MEIS2: variants seen among roughly 807,000 people sequenced by gnomAD.
MEIS2 encodes homeobox protein Meis2.
A neutral mutation model predicts 58.6 loss-of-function variants in MEIS2; 9 were observed. The ratio of observed to expected loss-of-function variants is 0.15; its 90% CI spans 0.09 to 0.27. The LOEUF (loss-of-function observed/expected upper bound fraction) is 0.27. Ranked by LOEUF, MEIS2 falls within the 10% of genes least tolerant of loss-of-function variation. The pLI, the probability that MEIS2 is intolerant of heterozygous loss-of-function variation, is 1.00. For missense variants in MEIS2, 427 were observed against 635.0 expected, an observed-to-expected ratio of 0.67 and a Z score of 3.52; for synonymous variants, 221 against 228.4, an observed-to-expected ratio of 0.97 and a Z score of 0.29.
At chr15:37,002,589 G>C (rs946299448) in intron 8 of MEIS2, among the ~76,000 whole-genome samples, 2 of 151,868 alleles carry the variant, frequency 1.3e-5, no homozygotes, top group African/African-American at 4.8e-5. Flanking sequence ...ATGAATATAC[G>C]GTCAGGCAAC....
At chr15:37,058,182 T>G (rs1888702015) in intron 7 of MEIS2, among the ~76,000 whole-genome samples, 1 of 152,090 alleles carries the variant, frequency 6.6e-6, no homozygotes, top group Admixed American at 6.6e-5. Flanking sequence ...CAAAGGATCG[T>G]GCATGGGCTT....
At chr15:36,946,829 C>T (rs1389347291) in intron 9 of MEIS2, among the ~76,000 whole-genome samples, 1 of 151,882 alleles carries the variant, frequency 6.6e-6, no homozygotes, top group Non-Finnish European at 1.5e-5. Flanking sequence ...AATGGTGGAA[C>T]CAGGATTTTA....
At chr15:37,050,967 T>G (rs866324728) in intron 7 of MEIS2, 9 of 152,192 alleles carry the variant, frequency 5.9e-5, no homozygotes, top group African/African-American at 1.9e-4. Context: ...ATGACCTCAG[T>G]CAAAAGATTA....
intron 4 of MEIS2, 100 bp downstream of exon 4, chr15:37,095,463 AG>A: frequency 1.3e-6 from 2 of 1,559,592 alleles, no homozygotes; most frequent in East Asian, 2.3e-5. Context: ...GCTCCAAAAG[AG>A]GGTTCTGTTC....
chr15:37,017,156 A>C lies in MEIS2; in HGVS notation c.900+19658T>G, dbSNP rs530456258. ...CCTGTTTCTGATGACGCAAACCGAT[A>C]GAAAATAATAAAATTGTTTGAACAT... On this transcript the variant is annotated intron_variant, in intron 8 of 11. Coordinates refer to ENST00000561208, the MANE Select transcript of MEIS2 (RefSeq NM_170675.5). 2.6e-5 allele frequency among the ~76,000 whole-genome samples: 4 copies of C among 152,334 alleles called. No homozygotes were observed. The South Asian group carries it at 8.3e-4, about 32-fold the overall frequency.
At chr15:36,961,035 GA>G (rs1331282019) in intron 8 of MEIS2, among the ~76,000 whole-genome samples, 5 of 151,724 alleles carry the variant, frequency 3.3e-5, no homozygotes, top group African/African-American at 1.2e-4. Context: ...CTTTTTTTTA[GA>G]ACAGCCTCTG....
At chr15:36,937,971 G>A (rs2058236899) in intron 9 of MEIS2, among the ~76,000 whole-genome samples, 1 of 152,114 alleles carries the variant, frequency 6.6e-6, no homozygotes, top group African/African-American at 2.4e-5. Flanking sequence ...GAAGAATTTT[G>A]TGCTTTAAAT....
intron 8 of MEIS2, among the ~76,000 whole-genome samples, chr15:36,992,700 G>A (rs1399944108): frequency 6.6e-6 from 1 of 151,970 alleles, no homozygotes; most frequent in Non-Finnish European, 1.5e-5. Context: ...TTCTACCAGA[G>A]AGTGTAGTAG....
intron 8 of MEIS2, among the ~76,000 whole-genome samples, chr15:36,963,697 T>TGTA (rs2059265826): frequency 6.6e-6 from 1 of 152,254 alleles, no homozygotes; most frequent in African/African-American, 2.4e-5. Flanking sequence ...TTGTGGTATT[T>TGTA]GTACAATTCT....
intron 8 of MEIS2, among the ~76,000 whole-genome samples, chr15:37,033,031 C>A (rs1232869786): frequency 6.6e-6 from 1 of 152,146 alleles, no homozygotes; most frequent in African/African-American, 2.4e-5. Context: ...TTAACTGTTA[C>A]AGTTGGAGTG....
At chr15:37,099,189 C>G in intron 1 of MEIS2, 1 of 1,405,948 alleles carries the variant, frequency 7.1e-7, no homozygotes. Context: ...ACACACACCA[C>G]TCACACGCAC....
At chr15:36,935,186 CTTTTTTT>C (rs71126245) in intron 9 of MEIS2, among the ~76,000 whole-genome samples, 8 of 136,644 alleles carry the variant, frequency 5.9e-5, no homozygotes, top group South Asian at 2.5e-4. Context: ...ATTCTTTTTT[CTTTTTTT>C]TTTTTTTTTT....
intron 9 of MEIS2, among the ~76,000 whole-genome samples, chr15:36,920,608 G>A (rs777432080): frequency 6.6e-6 from 1 of 152,178 alleles, no homozygotes; most frequent in Non-Finnish European, 1.5e-5. Context: ...ATGACTTACG[G>A]ATCACAAATG....
intron 8 of MEIS2, among the ~76,000 whole-genome samples, chr15:37,022,010 C>A (rs916540520): frequency 1.3e-4 from 20 of 152,122 alleles, no homozygotes; most frequent in Middle Eastern, 3.4e-3. Flanking sequence ...TTCCATATCT[C>A]CTACATTTGA....
intron 9 of MEIS2, among the ~76,000 whole-genome samples, chr15:36,921,948 C>T (rs1329054143): frequency 6.6e-6 from 1 of 152,212 alleles, no homozygotes; most frequent in African/African-American, 2.4e-5. Context: ...CAAGGTCAGA[C>T]ATGATGAGAT....
At chr15:36,961,690 A>G (rs1349337303) in intron 8 of MEIS2, among the ~76,000 whole-genome samples, 1 of 152,162 alleles carries the variant, frequency 6.6e-6, no homozygotes, top group African/African-American at 2.4e-5. Flanking sequence ...TGGGTAAACA[A>G]GTTGACCTCA....
chr15:36,920,784 C>G (rs1357758760), intron 9 of MEIS2, among the ~76,000 whole-genome samples: 1 of 152,158 alleles, frequency 6.6e-6, no homozygotes, highest in East Asian at 1.9e-4. Context: ...ATAAAGTAAT[C>G]AAGTCCTTAA....
At position 37,093,904 on chromosome 15, in the gene MEIS2, A is replaced by C. The variant is rs1002881941; in HGVS notation, c.490-174T>G. 86 of 720,882 alleles carry C rather than the reference A, an allele frequency of 1.2e-4. 1 individual carries two copies. The highest frequency in any genetic ancestry group is 2.6e-4 in the Middle Eastern group (1 of 3,816). 44.7% of individuals were successfully genotyped at this position (720,882 alleles called of 1,614,324 possible). ...GTGTAATAGTTGAAGGCAAGGAAAC[A>C]ATAGAGTAATTGTTGCAGCAGATAT... is the stretch of plus-strand genomic sequence containing the variant. On this transcript the variant is annotated intron_variant, in intron 5 of 11. Transcript: ENST00000561208.
chr15:36,944,785 T>C (rs1280634242), intron 9 of MEIS2, among the ~76,000 whole-genome samples: 5 of 152,118 alleles, frequency 3.3e-5, no homozygotes, highest in East Asian at 3.9e-4. Context: ...GCGGTGGAAA[T>C]TGCTGAGCAG....
Sources: gnomAD v4.1 joint callset for allele counts (sites outside exome capture counted in the v4.1 genomes callset) on GRCh38, gnomAD v4.1.1 for gene constraint, MANE v1.5 for transcripts, NCBI Gene and HGNC (gene_info 2026-07-23, HGNC 2026-07-21) for gene names.